The following PKP4 variants were observed in gnomAD, a reference collection of about 807,000 sequenced individuals.
PKP4 encodes the protein plakophilin 4.
Under a neutral mutation model 145.1 loss-of-function variants are expected in PKP4, and 90 were observed. The ratio of observed to expected loss-of-function variants is 0.62; its 90% CI spans 0.52 to 0.74. The LOEUF is 0.74. Ranked by LOEUF, PKP4 falls within the 30% of genes least tolerant of loss-of-function variation. The pLI is 0.00. For synonymous variants in PKP4, 563 were observed against 577.2 expected (o/e 0.98, Z 0.35); for missense variants, 1,340 against 1,482.7 (o/e 0.90, Z 1.58).
At chr2:158,616,388 T>C (rs141175915) in intron 4 of PKP4, among the ~76,000 whole-genome samples, 32 of 152,282 alleles carry the variant, frequency 2.1e-4, no homozygotes, top group East Asian at 5.8e-4. Context: ...CTGTGGAAAG[T>C]AGACTCCTTC....
intron 2 of PKP4, among the ~76,000 whole-genome samples, chr2:158,576,774 CTT>C (rs1173316259): frequency 4.0e-5 from 6 of 151,784 alleles, no homozygotes; most frequent in Admixed American, 2.0e-4. Context: ...TACGGCAAGA[CTT>C]TTTCTGTGGC....
At chr2:158,484,956 A>G (rs1452479948) in intron 1 of PKP4, among the ~76,000 whole-genome samples, 1 of 152,216 alleles carries the variant, frequency 6.6e-6, no homozygotes, top group African/African-American at 2.4e-5. Context: ...CCAACCTAGT[A>G]TACTCATATC....
At chr2:158,488,361 C>T (rs1249182972) in intron 1 of PKP4, among the ~76,000 whole-genome samples, 2 of 152,218 alleles carry the variant, frequency 1.3e-5, no homozygotes, top group African/African-American at 4.8e-5. Context: ...TCTGAGATGA[C>T]TCTTCATCTG....
At chr2:158,645,925 G>A in intron 11 of PKP4, among the ~76,000 whole-genome samples, 1 of 152,122 alleles carries the variant, frequency 6.6e-6, no homozygotes, top group Non-Finnish European at 1.5e-5. Flanking sequence ...ACTACCAAGG[G>A]CTTTTATGTA....
At chr2:158,565,391 C>T (rs6728614) in intron 2 of PKP4, among the ~76,000 whole-genome samples, 12,746 of 149,568 alleles carry the variant, frequency 0.085, 614 homozygotes, top group South Asian at 0.12. Flanking sequence ...GTCTGAACAA[C>T]GTATATATTC....
At chr2:158,463,768 A>C (rs1156872137) in intron 1 of PKP4, among the ~76,000 whole-genome samples, 1 of 152,146 alleles carries the variant, frequency 6.6e-6, no homozygotes, top group East Asian at 1.9e-4. Flanking sequence ...ATGACAATTT[A>C]CCCTCTGGGA....
intron 1 of PKP4, among the ~76,000 whole-genome samples, chr2:158,509,140 G>A (rs771430080): frequency 7.9e-5 from 12 of 152,044 alleles, no homozygotes; most frequent in Non-Finnish European, 1.5e-4. Flanking sequence ...ATTTTAAACT[G>A]AGAATACTAA....
In PKP4 at chr2:158,658,188, C is replaced by T. The variant is rs772949898; in HGVS notation, c.1967C>T (p.Ala656Val). 1 of 1,602,410 alleles carries T rather than the reference C, an allele frequency of 6.2e-7. No homozygotes were observed. The highest frequency in any genetic ancestry group is 1.1e-5 in the South Asian group (1 of 90,436). Residue 656 changes from alanine to valine, a missense_variant, in exon 12 of 22, where the codon GCT becomes GTT. Physicochemically the swap from Ala to Val is moderately conservative, Grantham distance 64 (BLOSUM62 0). Transcript: ENST00000389759. ...DAVKMTIIRD[A>V]LSTLTNTVIV... is the part of the protein sequence containing the mutation. ...GTAAAAATGACAATCATTCGAGATG[C>T]TCTCTCAACCTTAACAAACACTGTG... is the stretch of plus-strand genomic sequence containing the variant.
intron 3 of PKP4, among the ~76,000 whole-genome samples, chr2:158,584,990 T>G (rs1400955124): frequency 1.3e-5 from 2 of 152,208 alleles, no homozygotes; most frequent in East Asian, 3.8e-4. Context: ...AACAAAGCCC[T>G]AAGTTTTTAT....
chr2:158,547,345 T>C lies in PKP4; in HGVS notation c.132+14029T>C, dbSNP rs556930650. On this transcript the variant is annotated intron_variant, in intron 2 of 21. Transcript: ENST00000389759. The stretch of plus-strand genomic sequence containing the variant: ...ACAACAAGAAAAAAGAACCCAACCA[T>C]TGATACATGCACCATGGATGAATCT... Among the ~76,000 whole-genome samples the C allele has an allele frequency of 3.9e-5, 6 of 152,272 alleles. No individual in the cohort carries two copies. In the South Asian group the frequency reaches 1.2e-3, roughly 32 times the overall value.
At chr2:158,598,306 A>T (rs1032990763) in intron 3 of PKP4, among the ~76,000 whole-genome samples, 1 of 152,174 alleles carries the variant, frequency 6.6e-6, no homozygotes, top group African/African-American at 2.4e-5. Flanking sequence ...ACCTGAAAGA[A>T]GGTGAGGGAA....
chr2:158,463,717 A>T (rs182561853), intron 1 of PKP4, among the ~76,000 whole-genome samples: 224 of 152,242 alleles, frequency 1.5e-3, no homozygotes, highest in African/African-American at 5.3e-3. Flanking sequence ...AAGCCATTAC[A>T]TTTTTTCCTC....
intron 4 of PKP4, among the ~76,000 whole-genome samples, chr2:158,619,798 G>A (rs2052019484): frequency 6.6e-6 from 1 of 152,156 alleles, no homozygotes; most frequent in Non-Finnish European, 1.5e-5. Flanking sequence ...CTGTCCTCGT[G>A]GAGCTTATAT....
intron 3 of PKP4, among the ~76,000 whole-genome samples, chr2:158,578,998 G>A (rs2048101095): frequency 1.3e-5 from 2 of 152,148 alleles, no homozygotes; most frequent in Admixed American, 6.5e-5. Flanking sequence ...GAAGTTTTGT[G>A]TGTGCTCAAG....
chr2:158,670,052 C>A, intron 17 of PKP4, 137 bp downstream of exon 17: 1 of 667,814 alleles, frequency 1.5e-6, no homozygotes, highest in Non-Finnish European at 2.5e-6. Flanking sequence ...GCTAAGCAGT[C>A]TCCAGCACTT....
intron 2 of PKP4, among the ~76,000 whole-genome samples, chr2:158,546,432 AC>A (rs1170387429): frequency 6.6e-6 from 1 of 152,198 alleles, no homozygotes; most frequent in African/African-American, 2.4e-5. Context: ...GCATATTTAA[AC>A]CTGATGCTTT....
rs553499626 is a variant in PKP4 at position 158,483,359 on chromosome 2, T to G, written c.-6+26141T>G. Among the ~76,000 whole-genome samples, 8 of 107,572 alleles carry G rather than the reference T, an allele frequency of 7.4e-5. No homozygotes were observed. In the South Asian group the frequency reaches 2.8e-3, roughly 38 times the overall value. The allele number at this position is 107,572 out of a possible 152,430, so 70.6% of individuals were successfully genotyped here. A position where few individuals can be genotyped will look rare whatever the true frequency, so the allele number is the denominator to read the frequency against. On this transcript the variant is annotated intron_variant, in intron 1 of 21. Coordinates refer to ENST00000389759, the MANE Select transcript of PKP4 (RefSeq NM_003628.6). ...TGTGTATAAACAGATTGCTCTTCAT[T>G]GCTATGTGTTTTTTTTTTTAAATCA...
In PKP4 at chr2:158,572,350, A is replaced by G. The variant is rs183136731; in HGVS notation, c.133-4921A>G. Reference sequence around the variant, plus strand: ...GTCTTTCCCCTGAAAGAAACTAAACATACTAAATAAAATATTTGAATTGTC... The same window carrying G: ...GTCTTTCCCCTGAAAGAAACTAAACGTACTAAATAAAATATTTGAATTGTC... On this transcript the variant is annotated intron_variant, in intron 2 of 21. Transcript: ENST00000389759. 1.7e-3 allele frequency among the ~76,000 whole-genome samples: 264 copies of G among 152,362 alleles called. 1 individual carries two copies. The highest frequency in any genetic ancestry group is 5.8e-3 in the African/African-American group (241 of 41,594).
At chr2:158,500,807 A>G (rs766585661) in intron 1 of PKP4, among the ~76,000 whole-genome samples, 1 of 152,196 alleles carries the variant, frequency 6.6e-6, no homozygotes, top group Non-Finnish European at 1.5e-5. Context: ...TCATATTCTG[A>G]GCTCCTATGA....
Sources: allele counts gnomAD v4.1 joint callset (sites outside exome capture counted in the v4.1 genomes callset), GRCh38; gene constraint gnomAD v4.1.1; transcripts MANE v1.5; gene names NCBI Gene and HGNC (gene_info 2026-07-23, HGNC 2026-07-21).